The following ZNF486 variants were observed in gnomAD, a reference collection of about 807,000 sequenced individuals.
ZNF486 encodes zinc finger protein 486.
Under a neutral mutation model 12.8 loss-of-function variants are expected in ZNF486, and 12 were observed. The ratio of observed to expected loss-of-function variants is 0.94; its 90% confidence interval spans 0.60 to 1.52. The LOEUF is 1.52. Ranked by LOEUF, ZNF486 falls within the 40% of genes most tolerant of loss-of-function variation. The probability of loss-of-function intolerance (pLI) is 0.00; values close to 1 mark genes in which losing one functional copy is unlikely to be tolerated. For missense variants in ZNF486, 738 were observed against 545.0 expected (o/e 1.35, Z -3.53); for synonymous variants, 231 against 184.9 (o/e 1.25, Z -2.02).
chr19:20,188,783 C>T (rs560233714), intron 3 of ZNF486: 2 of 239,290 alleles, frequency 8.4e-6, no homozygotes, highest in East Asian at 1.6e-4. Context: ...ATTTTACCCT[C>T]TCTCACCCTC....
intron 3 of ZNF486, among the ~76,000 whole-genome samples, chr19:20,190,498 CCT>C (rs1456881154): frequency 1.3e-5 from 2 of 152,140 alleles, no homozygotes; most frequent in African/African-American, 4.8e-5. Context: ...GATCCTTTCA[CCT>C]CTGTTTTCTG....
rs111896086 is a variant in ZNF486 at position 20,173,201 on chromosome 19, A to G, written c.30+5841A>G. On this transcript the variant is annotated intron_variant, in intron 1 of 3. Transcript: ENST00000335117. ...GCAGGGTTTCTCATAATTTTGTTTTACATTTAAGTCTTTAATTTATCTTGA... is the reference window on the plus strand; with the variant it reads ...GCAGGGTTTCTCATAATTTTGTTTTGCATTTAAGTCTTTAATTTATCTTGA... 3.4e-3 allele frequency among the ~76,000 whole-genome samples: 513 copies of G among 152,226 alleles called. 6 individuals carry two copies. The highest frequency in any genetic ancestry group is 0.011 in the African/African-American group (454 of 41,534).
rs1555715379 is a variant in ZNF486 at position 20,180,362 on chromosome 19, C to T, written c.31-3994C>T. ...AACTAGTTGCTTCCATTTCATATGG[C>T]CATTAAAAAAATACGTGAAGCAGTC... On this transcript the variant is annotated intron_variant, in intron 1 of 3. Coordinates refer to ENST00000335117, the MANE Select transcript of ZNF486 (RefSeq NM_052852.4). Among the ~76,000 whole-genome samples the T allele has an allele frequency of 2.0e-5, 3 of 152,144 alleles. No individual in the cohort carries two copies. The East Asian group carries it at 5.8e-4, about 29-fold the overall frequency.
At chr19:20,194,802 C>T (rs192560896) in intron 3 of ZNF486, among the ~76,000 whole-genome samples, 1 of 152,026 alleles carries the variant, frequency 6.6e-6, no homozygotes, top group East Asian at 1.9e-4. Context: ...TTGTAGCACC[C>T]AAAATTCTAT....
intron 3 of ZNF486, among the ~76,000 whole-genome samples, chr19:20,192,480 G>T (rs1281217417): frequency 2.0e-5 from 3 of 151,948 alleles, no homozygotes; most frequent in African/African-American, 7.3e-5. Flanking sequence ...TAATTTTTTT[G>T]TATTTTAGGT....
intron 3 of ZNF486, among the ~76,000 whole-genome samples, chr19:20,191,462 C>CAAAA (rs35968267): frequency 8.2e-5 from 8 of 97,376 alleles, no homozygotes; most frequent in African/African-American, 2.8e-4. Flanking sequence ...GAGATTCCTT[C>CAAAA]AAAAAAAAAA....
chr19:20,197,058 A>T lies in ZNF486; in HGVS notation c.348A>T (p.Gly116=). 6.2e-7 allele frequency: 1 copy of T among 1,612,468 alleles called. No individual in the cohort carries two copies. Among genetic ancestry groups the T allele is most frequent in the South Asian group, 1.1e-5 (1 of 90,472 alleles). The change falls in exon 4 of 4, where the codon GGA becomes GGT. Residue 116 remains glycine (G), a synonymous_variant. Coordinates refer to ENST00000335117, the MANE Select transcript of ZNF486 (RefSeq NM_052852.4). ...KVILRKFEKC[G]HGNLHFKKGC... ...TACTGAGAAAATTTGAAAAATGTGG[A>T]CATGGCAATTTACACTTTAAAAAAG... is the stretch of plus-strand genomic sequence containing the variant.
chr19:20,175,769 C>G (rs182414860), intron 1 of ZNF486, among the ~76,000 whole-genome samples: 14 of 152,364 alleles, frequency 9.2e-5, no homozygotes, highest in Middle Eastern at 3.4e-3. Context: ...ATTTCTCAGT[C>G]TTTTCCGCAC....
intron 3 of ZNF486, among the ~76,000 whole-genome samples, chr19:20,189,917 AT>A (rs1270420774): frequency 7.2e-5 from 11 of 151,876 alleles, no homozygotes; most frequent in African/African-American, 2.7e-4. Flanking sequence ...CTTTTCCTGT[AT>A]TTTTTCTAAT....
intron 3 of ZNF486, among the ~76,000 whole-genome samples, chr19:20,187,130 TAAG>T (rs1193947730): frequency 6.6e-6 from 1 of 152,046 alleles, no homozygotes; most frequent in Non-Finnish European, 1.5e-5. Context: ...GGTTTTTTTC[TAAG>T]AAGTTTATTA....
Position 20,167,419 on chromosome 19 carries a change from T to A in ZNF486, c.30+59T>A, listed in dbSNP as rs374917199. ...GAGGGACTGGTTGATGGGAAGTGGC[T>A]GTGGAGGGACTCAGGCCTCCCCGTA... On this transcript the variant is annotated intron_variant, in intron 1 of 3. Transcript: ENST00000335117. 82 of 1,588,128 alleles carry A rather than the reference T, an allele frequency of 5.2e-5. 1 individual carries two copies. The East Asian group carries it at 1.2e-3, about 23-fold the overall frequency.
chr19:20,195,489 T>A (rs1221802954), intron 3 of ZNF486, among the ~76,000 whole-genome samples: 1 of 152,226 alleles, frequency 6.6e-6, no homozygotes, highest in African/African-American at 2.4e-5. Context: ...TTTGGAATTT[T>A]AAAAATTACT....
chr19:20,177,479 T>C (rs782642221), intron 1 of ZNF486, among the ~76,000 whole-genome samples: 9 of 152,258 alleles, frequency 5.9e-5, no homozygotes, highest in Non-Finnish European at 8.8e-5. Flanking sequence ...TTTAAATTCT[T>C]CTACTTATGG....
Position 20,170,439 on chromosome 19 carries a change from T to C in ZNF486, c.30+3079T>C, listed in dbSNP as rs571059405. On this transcript the variant is annotated intron_variant, in intron 1 of 3. Coordinates refer to ENST00000335117, the MANE Select transcript of ZNF486 (RefSeq NM_052852.4). ...AAAATTAGCCAAGCGTCTTGGCAGG[T>C]ACATGTAATGCCAGCTACTTGGGAG... Among the ~76,000 whole-genome samples, 4 of 151,786 alleles carry C rather than the reference T, an allele frequency of 2.6e-5. No individual in the cohort carries two copies. In the East Asian group the frequency reaches 7.9e-4, roughly 30 times the overall value.
At position 20,197,324 on chromosome 19, in the gene ZNF486, C is replaced by T. The variant is rs1283388333; in HGVS notation, c.614C>T (p.Thr205Ile). 4 of 1,612,768 alleles carry T rather than the reference C, an allele frequency of 2.5e-6. No individual in the cohort carries two copies. The African/African-American group carries it at 4.0e-5, about 16-fold the overall frequency. Residue 205 changes from threonine to isoleucine, a missense_variant, in exon 4 of 4, where the codon ACT becomes ATT. By Grantham distance (89) the Thr-to-Ile change is moderately conservative. Transcript: ENST00000335117. The stretch of plus-strand genomic sequence containing the variant: ...CATACTACACATAAAAAAATTGATA[C>T]TGGAGAGAAACCATACAAATGTGAA... ...STHTTHKKID[T>I]GEKPYKCEEC...
At chr19:20,192,789 C>A (rs2122677741) in intron 3 of ZNF486, among the ~76,000 whole-genome samples, 1 of 152,276 alleles carries the variant, frequency 6.6e-6, no homozygotes, top group Middle Eastern at 3.4e-3. Context: ...CAGAGTTTTG[C>A]CATGTTGCCC....
intron 3 of ZNF486, among the ~76,000 whole-genome samples, chr19:20,190,088 T>C (rs1225860186): frequency 6.6e-6 from 1 of 152,254 alleles, no homozygotes; most frequent in African/African-American, 2.4e-5. Flanking sequence ...ATAGCAACTT[T>C]TTGAAAGACC....
intron 1 of ZNF486, among the ~76,000 whole-genome samples, chr19:20,182,890 AGAG>A (rs566335140): frequency 2.0e-5 from 3 of 152,222 alleles, no homozygotes; most frequent in Admixed American, 1.3e-4. Context: ...AAGGAATTCC[AGAG>A]GAGGAGGAGG....
At chr19:20,184,200 A>G (rs1599707996) in intron 1 of ZNF486, among the ~76,000 whole-genome samples, 156 bp from the exon 2 acceptor site, 1 of 152,308 alleles carries the variant, frequency 6.6e-6, no homozygotes, top group South Asian at 2.1e-4. Flanking sequence ...TAGAGAATAC[A>G]TTAGAAAATA....
Sources: allele counts gnomAD v4.1 joint callset (sites outside exome capture counted in the v4.1 genomes callset), GRCh38; gene constraint gnomAD v4.1.1; transcripts MANE v1.5; gene names NCBI Gene and HGNC (gene_info 2026-07-23, HGNC 2026-07-21).